The following SUPT3H variants were observed in gnomAD, a reference collection of about 807,000 sequenced individuals.
The protein encoded by SUPT3H is transcription initiation protein SPT3 homolog.
In SUPT3H, 44 loss-of-function variants were observed where a neutral mutation model predicts 44.3. That is an observed-to-expected ratio of 0.99 (90% confidence interval 0.78 to 1.28). SUPT3H has a LOEUF of 1.28. Ranked by LOEUF, SUPT3H falls within the 50% of genes most tolerant of loss-of-function variation. The probability of loss-of-function intolerance (pLI) is 0.00; values close to 1 mark genes in which losing one functional copy is unlikely to be tolerated. For synonymous variants in SUPT3H, 124 were observed against 125.6 expected, an observed-to-expected ratio of 0.99 and a Z score of 0.09; for missense variants, 380 against 387.1, an observed-to-expected ratio of 0.98 and a Z score of 0.15.
chr6:45,256,698 T>G (rs978189294), intron 2 of SUPT3H, among the ~76,000 whole-genome samples: 1 of 152,186 alleles, frequency 6.6e-6, no homozygotes, highest in African/African-American at 2.4e-5. Context: ...TAAAATAATA[T>G]AGTGACTGGC....
intron 10 of SUPT3H, among the ~76,000 whole-genome samples, chr6:44,868,566 C>T (rs555084612): frequency 1.3e-5 from 2 of 150,934 alleles, no homozygotes; most frequent in African/African-American, 4.8e-5. Context: ...GGACTCTGTT[C>T]AGCTGCTAGG....
intron 9 of SUPT3H, among the ~76,000 whole-genome samples, chr6:44,950,690 A>G (rs546452596): frequency 7.9e-5 from 12 of 152,214 alleles, no homozygotes; most frequent in African/African-American, 2.9e-4. Context: ...AGTTCCTTAT[A>G]TGGTTAGTGC....
intron 10 of SUPT3H, among the ~76,000 whole-genome samples, chr6:44,867,015 G>A (rs1392691138): frequency 6.6e-6 from 1 of 152,150 alleles, no homozygotes; most frequent in Non-Finnish European, 1.5e-5. Flanking sequence ...AACTGCACAT[G>A]TAAAAATACT....
chr6:45,209,571 C>A (rs114037625), intron 2 of SUPT3H, among the ~76,000 whole-genome samples: 282 of 152,284 alleles, frequency 1.9e-3, no homozygotes, highest in African/African-American at 6.5e-3. Flanking sequence ...CATGATCAAA[C>A]TTGAAGCAAT....
chr6:45,206,413 G>A (rs1763231617), intron 2 of SUPT3H, among the ~76,000 whole-genome samples: 1 of 152,096 alleles, frequency 6.6e-6, no homozygotes, highest in African/African-American at 2.4e-5. Context: ...CTAGCAGAAG[G>A]TGAGGGCAAG....
At chr6:45,228,585 G>A (rs536119175) in intron 2 of SUPT3H, among the ~76,000 whole-genome samples, 7 of 151,690 alleles carry the variant, frequency 4.6e-5, no homozygotes, top group African/African-American at 1.7e-4. Context: ...GCAAACACCC[G>A]CGCGCGCGCA....
intron 6 of SUPT3H, among the ~76,000 whole-genome samples, chr6:45,002,178 T>C (rs943035573): frequency 4.6e-5 from 7 of 152,028 alleles, no homozygotes; most frequent in Middle Eastern, 3.2e-3. Flanking sequence ...AAAGAAGAAG[T>C]GTACAGACTG....
chr6:45,100,514 C>A, intron 3 of SUPT3H, among the ~76,000 whole-genome samples: 1 of 113,728 alleles, frequency 8.8e-6, no homozygotes. Flanking sequence ...TGAGACCAGT[C>A]TGGGCATCAT....
intron 10 of SUPT3H, among the ~76,000 whole-genome samples, chr6:44,893,273 A>T (rs1007616894): frequency 6.6e-6 from 1 of 152,182 alleles, no homozygotes; most frequent in Non-Finnish European, 1.5e-5. Flanking sequence ...CATGTGCACA[A>T]TGTGCAGGTT....
chr6:45,212,847 A>C (rs1403746347), intron 2 of SUPT3H, among the ~76,000 whole-genome samples: 4 of 152,146 alleles, frequency 2.6e-5, no homozygotes, highest in Non-Finnish European at 4.4e-5. Flanking sequence ...TTCTGTTTAC[A>C]GGTGATGTCC....
chr6:44,891,042 T>C (rs1054280281), intron 10 of SUPT3H, among the ~76,000 whole-genome samples: 2 of 152,048 alleles, frequency 1.3e-5, no homozygotes, highest in African/African-American at 4.8e-5. Context: ...GACGGGTTGA[T>C]GGGTGCAGGA....
intron 2 of SUPT3H, among the ~76,000 whole-genome samples, chr6:45,245,549 A>C (rs1771187651): frequency 6.6e-6 from 1 of 152,090 alleles, no homozygotes; most frequent in Admixed American, 6.5e-5. Flanking sequence ...TTGTCCTTTT[A>C]GGTCTGCTTT....
At chr6:45,094,253 G>A (rs541705714) in intron 3 of SUPT3H, among the ~76,000 whole-genome samples, 31 of 152,182 alleles carry the variant, frequency 2.0e-4, no homozygotes, top group African/African-American at 7.5e-4. Flanking sequence ...CTTAAGTCAG[G>A]GGATAGGAGT....
intron 2 of SUPT3H, among the ~76,000 whole-genome samples, chr6:45,329,307 A>G (rs1786980251): frequency 6.6e-6 from 1 of 151,960 alleles, no homozygotes; most frequent in Non-Finnish European, 1.5e-5. Context: ...ACTAAAAGAA[A>G]TCTACTTATA....
intron 6 of SUPT3H, among the ~76,000 whole-genome samples, chr6:44,990,183 AT>A (rs138967479): frequency 4.0e-5 from 6 of 149,736 alleles, no homozygotes; most frequent in East Asian, 4.0e-4. Context: ...ATTCAATTTC[AT>A]TTTTTTTTCG....
At chr6:45,294,495 GAA>G (rs758058958) in intron 2 of SUPT3H, among the ~76,000 whole-genome samples, 1 of 152,032 alleles carries the variant, frequency 6.6e-6, no homozygotes, top group Non-Finnish European at 1.5e-5. Flanking sequence ...TCTGACAAGA[GAA>G]AGAGATAAAG....
downstream of SUPT3H, among the ~76,000 whole-genome samples, chr6:44,826,457 G>A (rs1361466012): frequency 6.6e-6 from 1 of 152,154 alleles, no homozygotes; most frequent in Non-Finnish European, 1.5e-5. Flanking sequence ...TTTGCAGAGT[G>A]TTTATGTACT....
At chr6:45,182,661 G>C (rs1042866734) in intron 2 of SUPT3H, among the ~76,000 whole-genome samples, 1 of 151,736 alleles carries the variant, frequency 6.6e-6, no homozygotes, top group Non-Finnish European at 1.5e-5. Flanking sequence ...TTTGACCTAC[G>C]AAAGCTTAAT....
chr6:44,946,921 A>G (rs866428376), intron 9 of SUPT3H, among the ~76,000 whole-genome samples: 1 of 152,154 alleles, frequency 6.6e-6, no homozygotes, highest in Non-Finnish European at 1.5e-5. Flanking sequence ...GAGTCAATCA[A>G]TGTGGCAAAC....
Sources: allele counts gnomAD v4.1 joint callset (sites outside exome capture counted in the v4.1 genomes callset), GRCh38; gene constraint gnomAD v4.1.1; transcripts MANE v1.5; gene names NCBI Gene and HGNC (gene_info 2026-07-23, HGNC 2026-07-21).